Variants in TFG observed in about 807,000 individuals in gnomAD.
TFG encodes trafficking from ER to golgi regulator, also known as protein TFG.
In TFG, 22 loss-of-function variants were observed where a neutral mutation model predicts 51.4. The ratio of observed to expected loss-of-function variants is 0.43; its 90% CI spans 0.31 to 0.61. TFG has a LOEUF of 0.61. TFG is among the 20% of genes least tolerant of loss of function. The probability of loss-of-function intolerance (pLI) is 0.12; values close to 1 mark genes in which losing one functional copy is unlikely to be tolerated. For synonymous variants in TFG, 187 were observed against 165.6 expected (o/e 1.13, Z -0.99); for missense variants, 419 against 487.7 (o/e 0.86, Z 1.33).
chr3:100,717,575 C>T (rs2095049615), intron 2 of TFG, among the ~76,000 whole-genome samples: 1 of 110,704 alleles, frequency 9.0e-6, no homozygotes, highest in Non-Finnish European at 1.8e-5. Context: ...TTTCTTTCAT[C>T]AGTGTTTTTT....
intron 2 of TFG, among the ~76,000 whole-genome samples, chr3:100,718,119 G>A (rs2095051221): frequency 6.6e-6 from 1 of 151,926 alleles, no homozygotes; most frequent in Non-Finnish European, 1.5e-5. Flanking sequence ...CAAAATGGGG[G>A]TCTCACTGTG....
chr3:100,721,194 A>G (rs913606769), intron 3 of TFG, among the ~76,000 whole-genome samples: 21 of 152,352 alleles, frequency 1.4e-4, no homozygotes, highest in Admixed American at 9.1e-4. Flanking sequence ...TACTTTAAAC[A>G]GGATCTGCTA....
In TFG at chr3:100,748,640, A is replaced by AT. The variant is rs145057582; in HGVS notation, c.*115dup. The stretch of plus-strand genomic sequence containing the variant: ...AAGTTCAGAAATTTAAAAGCAGAGC[A>AT]TTTTTTATGATATCATTGTTGGTGT... On this transcript the variant is annotated 3_prime_UTR_variant, in exon 8 of 8. Coordinates refer to ENST00000240851, the MANE Select transcript of TFG (RefSeq NM_006070.6). 620 of 1,181,398 alleles carry AT rather than the reference A, an allele frequency of 5.2e-4. 5 individuals are homozygous for AT. In the African/African-American group the frequency reaches 8.0e-3, roughly 15 times the overall value. 73.2% of individuals were successfully genotyped at this position (1,181,398 alleles called of 1,614,324 possible).
At chr3:100,738,210 A>G (rs773638091) in intron 6 of TFG, among the ~76,000 whole-genome samples, 4 of 152,232 alleles carry the variant, frequency 2.6e-5, no homozygotes, top group Non-Finnish European at 4.4e-5. Context: ...CCTTTTCTCA[A>G]CCAACTTTAA....
chr3:100,717,493 G>T (rs2149063164), intron 2 of TFG, among the ~76,000 whole-genome samples: 1 of 151,714 alleles, frequency 6.6e-6, no homozygotes, highest in South Asian at 2.1e-4. Context: ...ATTGCTTTGA[G>T]TAATTTTGTC....
intron 6 of TFG, among the ~76,000 whole-genome samples, chr3:100,742,124 A>G (rs2095122955): frequency 6.6e-6 from 1 of 152,156 alleles, no homozygotes; most frequent in African/African-American, 2.4e-5. Flanking sequence ...CTTTTTTTAA[A>G]CAATTAAACA....
Position 100,748,776 on chromosome 3 carries a change from A to G in TFG, c.*245A>G. 2.4e-6 allele frequency: 1 copy of G among 420,336 alleles called. No individual in the cohort carries two copies. Among genetic ancestry groups the G allele is most frequent in the East Asian group, 3.7e-5 (1 of 27,196 alleles). The allele number at this position is 420,336 out of a possible 1,614,324, so 26.0% of individuals were successfully genotyped here. Reference sequence around the variant, plus strand: ...ACTTTGGAACACTACTCTTACATGTATAAAGTGATTGACTTGACTTTCTAG... The same window carrying G: ...ACTTTGGAACACTACTCTTACATGTGTAAAGTGATTGACTTGACTTTCTAG... On this transcript the variant is annotated 3_prime_UTR_variant, in exon 8 of 8. Coordinates refer to ENST00000240851, the MANE Select transcript of TFG (RefSeq NM_006070.6).
intron 6 of TFG, among the ~76,000 whole-genome samples, chr3:100,739,727 G>T (rs2149091039): frequency 6.6e-6 from 1 of 151,972 alleles, no homozygotes; most frequent in African/African-American, 2.4e-5. Context: ...TTTCCCCACT[G>T]CACCCCTTTT....
intron 3 of TFG, 129 bp downstream of exon 3, chr3:100,720,187 A>C (rs2095056873): frequency 1.8e-6 from 1 of 561,432 alleles, no homozygotes; most frequent in Non-Finnish European, 3.1e-6. Flanking sequence ...ATTTGTGTTC[A>C]GGTAGTTGTT....
chr3:100,718,912 A>T, intron 2 of TFG, among the ~76,000 whole-genome samples: 1 of 152,160 alleles, frequency 6.6e-6, no homozygotes, highest in Non-Finnish European at 1.5e-5. Flanking sequence ...AGTAGAGTGG[A>T]GGGATGGCTT....
intron 7 of TFG, among the ~76,000 whole-genome samples, chr3:100,745,514 A>G (rs1053456434): frequency 2.6e-5 from 4 of 152,154 alleles, no homozygotes; most frequent in Admixed American, 1.3e-4. Context: ...TTTTGTTTCT[A>G]TTTTACCATC....
rs542469836 is a variant in TFG, at chr3:100,733,179, G to C, written c.580+507G>C. Among the ~76,000 whole-genome samples, 52 of 152,078 alleles carry C rather than the reference G, an allele frequency of 3.4e-4. 1 individual carries two copies. The highest frequency in any genetic ancestry group is 8.3e-4 in the South Asian group (4 of 4,814). On this transcript the variant is annotated intron_variant, in intron 5 of 7. Transcript: ENST00000240851. The stretch of plus-strand genomic sequence containing the variant: ...TATTGTTTTATTCTGTTTAACTTTT[G>C]GTTATAATTTCTTCATTATTTTTTC...
intron 2 of TFG, among the ~76,000 whole-genome samples, chr3:100,715,021 A>C (rs373541032): frequency 7.2e-5 from 11 of 152,256 alleles, no homozygotes; most frequent in Non-Finnish European, 1.5e-4. Context: ...CTTGCAGTGT[A>C]TTTAATCTTG....
At chr3:100,720,939 A>AT (rs958064420) in intron 3 of TFG, among the ~76,000 whole-genome samples, 16 of 151,148 alleles carry the variant, frequency 1.1e-4, no homozygotes, top group East Asian at 5.8e-4. Context: ...CATTAATTTT[A>AT]TTTTTTTTTA....
At position 100,748,130 on chromosome 3, in the gene TFG, A is replaced by C; in HGVS notation, c.821-19A>C. The C allele has an allele frequency of 6.2e-7, 1 of 1,604,704 alleles. No homozygotes were observed. Among genetic ancestry groups the C allele is most frequent in the Non-Finnish European group, 8.5e-7 (1 of 1,175,150 alleles). ...TTTACTAAAAGATAAGATACATGTT[A>C]TTTATTTTGCCTTTTCAGCAAGCTA... On this transcript the variant is annotated intron_variant, in intron 7 of 7. Transcript: ENST00000240851.
intron 1 of TFG, among the ~76,000 whole-genome samples, chr3:100,711,485 A>AT (rs970621706): frequency 5.9e-5 from 9 of 152,148 alleles, no homozygotes; most frequent in Non-Finnish European, 1.2e-4. Context: ...CAAAGCTGGA[A>AT]TTTTTTTCTT....
intron 2 of TFG, among the ~76,000 whole-genome samples, chr3:100,715,141 CTCTG>C (rs1167136400): frequency 1.3e-5 from 2 of 152,188 alleles, no homozygotes; most frequent in East Asian, 1.9e-4. Flanking sequence ...ACAGTTTTTT[CTCTG>C]TCTGTGTTAG....
intron 3 of TFG, among the ~76,000 whole-genome samples, chr3:100,720,300 A>G (rs2095057240): frequency 6.6e-6 from 1 of 152,194 alleles, no homozygotes; most frequent in South Asian, 2.1e-4. Context: ...GAAATCAGGT[A>G]TAACTTAGGT....
chr3:100,734,672 CT>C (rs753131570), intron 5 of TFG, among the ~76,000 whole-genome samples: 53 of 152,162 alleles, frequency 3.5e-4, no homozygotes, highest in Admixed American at 1.3e-3. Context: ...TTTACTTTGC[CT>C]TTATCAGTAG....
Sources: gnomAD v4.1 joint callset for allele counts (sites outside exome capture counted in the v4.1 genomes callset) on GRCh38, gnomAD v4.1.1 for gene constraint, MANE v1.5 for transcripts, NCBI Gene and HGNC (gene_info 2026-07-23, HGNC 2026-07-21) for gene names.